ALPL: variants seen among roughly 807,000 people sequenced by gnomAD.
The protein encoded by ALPL is alkaline phosphatase, biomineralization associated.
In ALPL, 42 loss-of-function variants were observed where a neutral mutation model predicts 51.3. The ratio of observed to expected loss-of-function variants is 0.82; its 90% CI spans 0.64 to 1.06. The LOEUF (loss-of-function observed/expected upper bound fraction) is 1.06, where lower values mean the gene tolerates loss of function less well. Ranked by LOEUF, ALPL falls within the 50% of genes least tolerant of loss-of-function variation. The pLI is 0.00. For missense variants in ALPL, 589 were observed against 709.4 expected (o/e 0.83, Z 1.93); for synonymous variants, 279 against 296.4 (o/e 0.94, Z 0.60).
intron 2 of ALPL, among the ~76,000 whole-genome samples, chr1:21,554,819 TTC>T (rs1168509966): frequency 1.1e-4 from 8 of 74,222 alleles, no homozygotes; most frequent in East Asian, 4.5e-4. Flanking sequence ...CTGTCTGTCT[TTC>T]TTTCTTTCTT....
At chr1:21,530,574 G>A (rs150523424) in intron 1 of ALPL, among the ~76,000 whole-genome samples, 4,342 of 152,112 alleles carry the variant, frequency 0.029, 120 homozygotes, top group Non-Finnish European at 0.038. Context: ...CCCTCCCCCA[G>A]TGACTCACTC....
intron 2 of ALPL, among the ~76,000 whole-genome samples, chr1:21,555,575 C>G (rs1012893423): frequency 6.6e-6 from 1 of 152,156 alleles, no homozygotes; most frequent in African/African-American, 2.4e-5. Flanking sequence ...CGCCGCAACA[C>G]CCGGCTAATT....
rs554321282 is a variant in ALPL, at chr1:21,573,473, A to G, written c.863-192A>G. Among the ~76,000 whole-genome samples, 95 of 150,206 alleles carry G rather than the reference A, an allele frequency of 6.3e-4. 1 individual carries two copies. Among genetic ancestry groups the G allele is most frequent in the African/African-American group, 2.1e-3 (88 of 41,076 alleles). Reference sequence around the variant, plus strand: ...AGAAAAGAAAAGAAAAAGAAAAAAGAAAAAAAAAGGAATTGGGGGCCTAAT... The same window carrying G: ...AGAAAAGAAAAGAAAAAGAAAAAAGGAAAAAAAAGGAATTGGGGGCCTAAT... On this transcript the variant is annotated intron_variant, in intron 8 of 11. Transcript: ENST00000374840.
chr1:21,511,681 C>T (rs921546790), intron 1 of ALPL, among the ~76,000 whole-genome samples: 9 of 152,318 alleles, frequency 5.9e-5, no homozygotes, highest in African/African-American at 2.2e-4. Context: ...GGGCTGGGAG[C>T]GCAGAGCTCC....
chr1:21,569,665 T>C (rs1417418960), intron 7 of ALPL, among the ~76,000 whole-genome samples: 2 of 152,126 alleles, frequency 1.3e-5, no homozygotes, highest in Non-Finnish European at 2.9e-5. Flanking sequence ...CCACTGTCAT[T>C]GCTAAGAGAA....
intron 1 of ALPL, among the ~76,000 whole-genome samples, chr1:21,548,781 C>G (rs1570241646): frequency 6.6e-6 from 1 of 152,266 alleles, no homozygotes; most frequent in East Asian, 1.9e-4. Context: ...CTGCCATTCC[C>G]ACAGCTCACC....
At chr1:21,547,318 G>A (rs150650183) in intron 1 of ALPL, among the ~76,000 whole-genome samples, 8 of 151,948 alleles carry the variant, frequency 5.3e-5, no homozygotes, top group Non-Finnish European at 1.2e-4. Context: ...AGCGGGTCAC[G>A]GCCACTGACC....
chr1:21,565,651 AGC>A (rs1644553255), intron 6 of ALPL, among the ~76,000 whole-genome samples: 1 of 152,064 alleles, frequency 6.6e-6, no homozygotes, highest in Non-Finnish European at 1.5e-5. Context: ...AAGGGGCACA[AGC>A]CAGGGAGTGA....
intron 6 of ALPL, among the ~76,000 whole-genome samples, chr1:21,567,528 C>T (rs568767904): frequency 1.8e-4 from 28 of 152,290 alleles, no homozygotes; most frequent in African/African-American, 5.8e-4. Context: ...TCTCCCTGCA[C>T]GCATTCAGCC....
At chr1:21,549,924 A>G (rs2148126354) in intron 1 of ALPL, among the ~76,000 whole-genome samples, 1 of 152,356 alleles carries the variant, frequency 6.6e-6, no homozygotes, top group South Asian at 2.1e-4. Context: ...CAGGCTGAAG[A>G]CTACAGAGTG....
At chr1:21,560,465 A>G (rs1054383279) in intron 2 of ALPL, among the ~76,000 whole-genome samples, 161 bp from the exon 3 acceptor site, 7 of 152,138 alleles carry the variant, frequency 4.6e-5, no homozygotes, top group East Asian at 1.9e-4. Flanking sequence ...TGGATGGCAC[A>G]TATTTATAAA....
intron 1 of ALPL, among the ~76,000 whole-genome samples, chr1:21,553,496 G>A (rs1018121627): frequency 7.9e-5 from 12 of 152,292 alleles, no homozygotes; most frequent in African/African-American, 2.6e-4. Flanking sequence ...GCTGAAGACC[G>A]AGTGCTGTAG....
upstream of ALPL, among the ~76,000 whole-genome samples, chr1:21,509,107 A>T (rs1643626181): frequency 1.3e-5 from 2 of 151,824 alleles, no homozygotes; most frequent in Admixed American, 1.3e-4. This position sits in a 1 kb window ranked among gnomAD's most constrained non-coding sequence, Gnocchi z 6.0. Context: ...GCGCGCAAGG[A>T]GCAGGTCAGA....
chr1:21,543,079 G>A lies in ALPL; in HGVS notation c.-104-10899G>A, dbSNP rs1276334682. On this transcript the variant is annotated intron_variant, in intron 1 of 11. Coordinates refer to ENST00000374840, the MANE Select transcript of ALPL (RefSeq NM_000478.6). Reference sequence around the variant, plus strand: ...TGAGGCAGGAGGATCGCTTAAGGCTGCAGTGAACTATGATCGTGCCACTGC... The same window carrying A: ...TGAGGCAGGAGGATCGCTTAAGGCTACAGTGAACTATGATCGTGCCACTGC... Among the ~76,000 whole-genome samples, 3 of 152,228 alleles carry A rather than the reference G, an allele frequency of 2.0e-5. No homozygotes were observed. The East Asian group carries it at 5.8e-4, about 29-fold the overall frequency.
At chr1:21,532,435 C>T (rs888679098) in intron 1 of ALPL, among the ~76,000 whole-genome samples, 2 of 152,172 alleles carry the variant, frequency 1.3e-5, no homozygotes, top group Non-Finnish European at 2.9e-5. Flanking sequence ...ATGTGATCCG[C>T]CCGCCTCAGC....
At chr1:21,574,249 G>T in intron 9 of ALPL, 2 of 976,266 alleles carry the variant, frequency 2.0e-6, no homozygotes, top group Non-Finnish European at 2.4e-6. Flanking sequence ...TCTGCTGGCG[G>T]TGTGACCTCT....
intron 9 of ALPL, chr1:21,574,310 G>A: frequency 1.6e-6 from 1 of 611,536 alleles, no homozygotes; most frequent in South Asian, 7.2e-5. Context: ...GTCTCCTGGA[G>A]AGTGATTCGC....
At chr1:21,568,015 A>T in intron 6 of ALPL, 89 bp from the exon 7 acceptor site, 1 of 1,576,320 alleles carries the variant, frequency 6.3e-7, no homozygotes, top group Non-Finnish European at 8.7e-7. Context: ...ATCTCCAGGG[A>T]CTCCAGGAGT....
chr1:21,525,523 C>T (rs1299961619), intron 1 of ALPL, among the ~76,000 whole-genome samples: 2 of 152,182 alleles, frequency 1.3e-5, no homozygotes, highest in East Asian at 1.9e-4. Flanking sequence ...TGGGTGCTGG[C>T]GTCTTGGCAC....
Sources: allele counts gnomAD v4.1 joint callset (sites outside exome capture counted in the v4.1 genomes callset), GRCh38; gene constraint gnomAD v4.1.1; non-coding constraint Gnocchi (gnomAD v3.1); transcripts MANE v1.5; gene names NCBI Gene and HGNC (gene_info 2026-07-23, HGNC 2026-07-21).